The following AHNAK2 variants were observed in gnomAD, a reference collection of about 807,000 sequenced individuals.
AHNAK2 encodes AHNAK nucleoprotein 2, also known as protein AHNAK2.
A neutral mutation model predicts 30.7 loss-of-function variants in AHNAK2; 18 were observed. That is an observed-to-expected ratio of 0.59 (90% CI 0.41 to 0.87). AHNAK2 has a LOEUF of 0.87. AHNAK2 is among the 40% of genes least tolerant of loss of function. AHNAK2 has a pLI of 0.00. For synonymous variants in AHNAK2, 3,590 were observed against 3,073.8 expected (o/e 1.17, Z -5.56); for missense variants, 8,604 against 7,373.0 (o/e 1.17, Z -6.11).
Position 104,950,799 on chromosome 14 carries a change from T to G in AHNAK2, c.4652A>C (p.Glu1551Ala), listed in dbSNP as rs753164385. Reference protein sequence around the residue: ...LSIQPPSADLEVQAGQVDVKL... With the variant: ...LSIQPPSADLAVQAGQVDVKL... ...CACGTCCACTTGGCCAGCCTGGACC[T>G]CCAGGTCAGCAGAAGGGGGCTGTAT... The change falls in exon 7 of 7, where the codon GAG (glutamate) becomes GCG (alanine). Residue 1551 changes from glutamate (E) to alanine (A), a missense_variant. Glu to Ala is a moderately radical substitution (Grantham distance 107, BLOSUM62 -1). Coordinates refer to ENST00000333244, the MANE Select transcript of AHNAK2 (RefSeq NM_138420.4). 1 of 1,586,374 alleles carries G rather than the reference T, an allele frequency of 6.3e-7. No individual in the cohort carries two copies. The highest frequency in any genetic ancestry group is 8.6e-7 in the Non-Finnish European group (1 of 1,162,188).
intron 1 of AHNAK2, among the ~76,000 whole-genome samples, chr14:104,977,065 C>A (rs1177566876): frequency 6.6e-6 from 1 of 152,072 alleles, no homozygotes; most frequent in African/African-American, 2.4e-5. Flanking sequence ...ACCCTAAGTG[C>A]GCACCAGACA....
chr14:104,944,610 T>G lies in AHNAK2; in HGVS notation c.10841A>C (p.Lys3614Thr). The G allele has an allele frequency of 6.2e-7, 1 of 1,613,248 alleles. No homozygotes were observed. Among genetic ancestry groups the G allele is most frequent in the Non-Finnish European group, 8.5e-7 (1 of 1,179,690 alleles). Residue 3614 changes from lysine to threonine, a missense_variant, in exon 7 of 7, where the codon AAG (lysine) becomes ACG (threonine). Transcript: ENST00000333244. ...VEVDVQAPKAKLDAGRLEGDL... is the reference protein window; with the variant it reads ...VEVDVQAPKATLDAGRLEGDL... Reference sequence around the variant, plus strand: ...TCCCTCCAGCCGCCCAGCATCCAGCTTGGCCTTCGGGGCCTGGACATCCAC... The same window carrying G: ...TCCCTCCAGCCGCCCAGCATCCAGCGTGGCCTTCGGGGCCTGGACATCCAC...
At chr14:104,975,513 C>T (rs1031032261) in intron 1 of AHNAK2, among the ~76,000 whole-genome samples, 1 of 152,230 alleles carries the variant, frequency 6.6e-6, no homozygotes, top group Non-Finnish European at 1.5e-5. Flanking sequence ...CCCATTCCTG[C>T]CACTAGCGGC....
intron 1 of AHNAK2, among the ~76,000 whole-genome samples, chr14:104,962,402 T>C (rs1335618941): frequency 1.3e-5 from 2 of 152,208 alleles, no homozygotes; most frequent in Non-Finnish European, 2.9e-5. Flanking sequence ...CACACTTACA[T>C]GGCCAATTCA....
chr14:104,960,424 T>C (rs1348579929), intron 1 of AHNAK2, among the ~76,000 whole-genome samples: 1 of 152,202 alleles, frequency 6.6e-6, no homozygotes, highest in Non-Finnish European at 1.5e-5. Context: ...TTATAAGTAA[T>C]CTAGAGATGA....
rs775498543 is a variant in AHNAK2, at chr14:104,955,118, C to T, written c.490G>A (p.Val164Met). The T allele has an allele frequency of 5.6e-6, 9 of 1,611,428 alleles. No homozygotes were observed. Among genetic ancestry groups the T allele is most frequent in the South Asian group, 2.2e-5 (2 of 91,032 alleles). Residue 164 changes from valine (V) to methionine (M), a missense_variant, in exon 6 of 7, where the codon GTG (valine) becomes ATG (methionine). By Grantham distance (21) the Val-to-Met change is conservative (BLOSUM62 1). Coordinates refer to ENST00000333244, the MANE Select transcript of AHNAK2 (RefSeq NM_138420.4). ...REGDQLLSTT[V>M]FFENIKYEDA... ...TCATATTTTATGTTTTCAAAGAACA[C>T]GGTTGTACTGAGCAGCTGATCCCCT... is the stretch of plus-strand genomic sequence containing the variant.
At chr14:104,956,243 T>C (rs733130) in intron 4 of AHNAK2, among the ~76,000 whole-genome samples, 94,627 of 151,942 alleles carry the variant, frequency 0.62, 29,534 homozygotes, top group Middle Eastern at 0.75. Flanking sequence ...CTGACTGGCC[T>C]TTTCAGCCCC....
At position 104,953,878 on chromosome 14, in the gene AHNAK2, T is replaced by C. The variant is rs2278607; in HGVS notation, c.1573A>G (p.Thr525Ala). The C allele has an allele frequency of 0.071, 115,063 of 1,613,866 alleles. 8,409 individuals are homozygous for C. The highest frequency in any genetic ancestry group is 0.31 in the East Asian group (13,902 of 44,866). ...TCCACCTCCTCACCCTTCAGGCCAG[T>C]ACCCGCTTTTGAGGACGCATCCTGT... Reference protein sequence around the residue: ...KRQDASSKAGTGLKGEEVEGA... With the variant: ...KRQDASSKAGAGLKGEEVEGA... The change falls in exon 7 of 7, where the codon ACT becomes GCT. Residue 525 changes from threonine (T) to alanine (A), a missense_variant. Thr to Ala is a moderately conservative substitution (Grantham distance 58, BLOSUM62 0). Coordinates refer to ENST00000333244, the MANE Select transcript of AHNAK2 (RefSeq NM_138420.4).
In AHNAK2 at chr14:104,953,714, C is replaced by T. The variant is rs1898877066; in HGVS notation, c.1737G>A (p.Gln579=). The T allele has an allele frequency of 6.2e-7, 1 of 1,613,826 alleles. No individual in the cohort carries two copies. Among genetic ancestry groups the T allele is most frequent in the Admixed American group, 1.7e-5 (1 of 60,006 alleles). Residue 579 remains glutamine, a synonymous_variant, in exon 7 of 7, where the codon CAG becomes CAA. Transcript: ENST00000333244. ...GTATCTTGAACTTGGGCATTCTTATCTGTCCTTCTGTGTCTTCCCTGCCCT... is the reference window on the plus strand; with the variant it reads ...GTATCTTGAACTTGGGCATTCTTATTTGTCCTTCTGTGTCTTCCCTGCCCT... ...QDKGREDTEG[Q]IRMPKFKIPS...
At chr14:104,963,466 T>C (rs566830348) in intron 1 of AHNAK2, among the ~76,000 whole-genome samples, 1 of 152,350 alleles carries the variant, frequency 6.6e-6, no homozygotes, top group Admixed American at 6.5e-5. Context: ...AAATAGAAAT[T>C]ACTTTTGGAG....
Position 104,947,105 on chromosome 14 carries a change from G to A in AHNAK2, c.8346C>T (p.Asp2782=), listed in dbSNP as rs374954299. ...CCAGCTTTGCTCTCGGGGCCTGGACGTCCACCTCCATGCTGGACAGAGACA... is the reference window on the plus strand; with the variant it reads ...CCAGCTTTGCTCTCGGGGCCTGGACATCCACCTCCATGCTGGACAGAGACA... ...VKMSLSSMEV[D]VQAPRAKLDG... The change falls in exon 7 of 7, where the codon GAC becomes GAT. Residue 2782 remains aspartate (D), a synonymous_variant. Transcript: ENST00000333244. 240 of 1,612,172 alleles carry A rather than the reference G, an allele frequency of 1.5e-4. 2 individuals carry two copies. Among genetic ancestry groups the A allele is most frequent in the Middle Eastern group, 5.0e-4 (3 of 6,048 alleles).
Position 104,948,312 on chromosome 14 carries a change from C to T in AHNAK2, c.7139G>A (p.Gly2380Asp), listed in dbSNP as rs563398406. 1.2e-6 allele frequency: 2 copies of T among 1,612,618 alleles called. No individual in the cohort carries two copies. The highest frequency in any genetic ancestry group is 3.3e-5 in the Admixed American group (2 of 59,918). The change falls in exon 7 of 7, where the codon GGC becomes GAC. Residue 2380 changes from glycine to aspartate, a missense_variant. Coordinates refer to ENST00000333244, the MANE Select transcript of AHNAK2 (RefSeq NM_138420.4). ...PPSADLEVQA[G>D]QVDVKLPEGP... ...CTCTGGGAGTTTCACATCCACTTGG[C>T]CAGCCTGGACCTCCAGGTCAGCGGA...
chr14:104,942,299 C>T lies in AHNAK2; in HGVS notation c.13152G>A (p.Leu4384=). Residue 4384 remains leucine, a synonymous_variant, in exon 7 of 7, where the codon CTG becomes CTA. Coordinates refer to ENST00000333244, the MANE Select transcript of AHNAK2 (RefSeq NM_138420.4). The stretch of plus-strand genomic sequence containing the variant: ...TGGGTACCTTGAAACTGGGCATCTG[C>T]AGCTTCGGCAGGTGCCCTTTGAGGC... ...GAGLKGHLPK[L]QMPSFKVPKV... is the part of the protein sequence containing the mutation. 6.2e-7 allele frequency: 1 copy of T among 1,613,338 alleles called. No individual in the cohort carries two copies. Among genetic ancestry groups the T allele is most frequent in the Non-Finnish European group, 8.5e-7 (1 of 1,179,828 alleles).
chr14:104,949,812 A>C lies in AHNAK2; in HGVS notation c.5639T>G (p.Leu1880Arg). 6.3e-7 allele frequency: 1 copy of C among 1,587,100 alleles called. No individual in the cohort carries two copies. The highest frequency in any genetic ancestry group is 1.1e-5 in the South Asian group (1 of 89,946). ...DLCIPLPSAD[L>R]VVQAGQVDMK... ...GTCCACTTGGCCAGCCTGGACCACC[A>C]GGTCTGCAGAAGGGAGCGGAATGCA... is the stretch of plus-strand genomic sequence containing the variant. Residue 1880 changes from leucine (L) to arginine (R), a missense_variant, in exon 7 of 7, where the codon CTG (leucine) becomes CGG (arginine). Leu to Arg is a moderately radical substitution (Grantham distance 102, BLOSUM62 -2). Transcript: ENST00000333244.
rs1228175285 is a variant in AHNAK2, at chr14:104,943,195, C to A, written c.12256G>T (p.Glu4086Ter). ...PKLDLKGPKAEVTAPDVKMSL... is the reference protein window; with the variant it reads ...PKLDLKGPKA ...ATCTTCACATCAGGGGCTGTCACTT[C>A]CGCCTTGGGGCCTTTCAGGTCCAGC... is the stretch of plus-strand genomic sequence containing the variant. The change falls in exon 7 of 7, where the codon GAA becomes TAA. Residue 4086 changes from glutamate to a stop codon, truncating the protein, a stop_gained. Transcript: ENST00000333244. LOFTEE classifies it low-confidence loss of function (END_TRUNC). The A allele has an allele frequency of 6.2e-7, 1 of 1,613,502 alleles. No individual in the cohort carries two copies. Among genetic ancestry groups the A allele is most frequent in the Non-Finnish European group, 8.5e-7 (1 of 1,179,702 alleles).
chr14:104,978,315 G>C lies in AHNAK2; in HGVS notation c.-78C>G. ...CCCGGCTCCGGCGCACGGGGCGGGC[G>C]GGCGGGAGCCGCGCTCTGCCCCGCT... On this transcript the variant is annotated 5_prime_UTR_variant, in exon 1 of 7. Transcript: ENST00000333244. 1 of 882,042 alleles carries C rather than the reference G, an allele frequency of 1.1e-6. No homozygotes were observed. 54.6% of individuals were successfully genotyped at this position (882,042 alleles called of 1,614,324 possible). A position where few individuals can be genotyped will look rare whatever the true frequency, so the allele number is the denominator to read the frequency against.
intron 1 of AHNAK2, among the ~76,000 whole-genome samples, chr14:104,961,415 G>A (rs1426501968): frequency 6.6e-6 from 1 of 150,990 alleles, no homozygotes; most frequent in Non-Finnish European, 1.5e-5. Context: ...TCGGGAGGCT[G>A]AGGCAGGAGA....
chr14:104,968,902 G>A lies in AHNAK2; in HGVS notation c.55+9281C>T, dbSNP rs545236217. On this transcript the variant is annotated intron_variant, in intron 1 of 6. Coordinates refer to ENST00000333244, the MANE Select transcript of AHNAK2 (RefSeq NM_138420.4). ...GACAGCCCAGAGTGAGGCCATGGAG[G>A]CGGGAGCCCTGTGGGAGTCACTGCC... 3.3e-5 allele frequency among the ~76,000 whole-genome samples: 5 copies of A among 152,318 alleles called. No homozygotes were observed. The East Asian group carries it at 5.8e-4, about 18-fold the overall frequency.
intron 3 of AHNAK2, among the ~76,000 whole-genome samples, 198 bp downstream of exon 3, chr14:104,957,212 C>T (rs531096493): frequency 1.4e-3 from 219 of 152,344 alleles, no homozygotes; most frequent in African/African-American, 4.9e-3. Context: ...CTGCAGGGCA[C>T]CTCCATCCCA....
Sources: allele counts gnomAD v4.1 joint callset (sites outside exome capture counted in the v4.1 genomes callset), GRCh38; gene constraint gnomAD v4.1.1; transcripts MANE v1.5; gene names NCBI Gene and HGNC (gene_info 2026-07-23, HGNC 2026-07-21).